The following MEF2D variants were observed in gnomAD, a reference collection of about 807,000 sequenced individuals.
The protein encoded by MEF2D is myocyte-specific enhancer factor 2D.
In MEF2D, 10 loss-of-function variants were observed where a neutral mutation model predicts 59.3. The ratio of observed to expected loss-of-function variants is 0.17; its 90% CI spans 0.10 to 0.29. MEF2D has a LOEUF of 0.29. Among genes scored for constraint, MEF2D ranks in the 10% least tolerant of loss-of-function variants. MEF2D has a pLI of 1.00. For synonymous variants in MEF2D, 305 were observed against 295.0 expected, an observed-to-expected ratio of 1.03 and a Z score of -0.35; for missense variants, 508 against 699.4, an observed-to-expected ratio of 0.73 and a Z score of 3.09.
Position 156,468,989 on chromosome 1 carries a change from G to A in MEF2D, c.1038C>T (p.Ser346=), listed in dbSNP as rs1430258982. 1.9e-6 allele frequency: 3 copies of A among 1,612,280 alleles called. No homozygotes were observed. The highest frequency in any genetic ancestry group is 2.2e-5 in the East Asian group (1 of 44,854). The change falls in exon 10 of 12, where the codon TCC becomes TCT. Residue 346 remains serine (S), a synonymous_variant. Transcript: ENST00000348159. The surrounding 1 kb of genome is among the most constrained non-coding windows in gnomAD (Gnocchi z 4.3). ...DYQLTSAELS[S]LPAFSSPGGL... ...CCCCAGGTGAACTAAAGGCTGGTAA[G>A]GAGGAGAGCTCTGCACTGGTCAACT...
At chr1:156,483,120 C>A in intron 2 of MEF2D, 119 bp downstream of exon 2, 1 of 1,062,536 alleles carries the variant, frequency 9.4e-7, no homozygotes, top group Admixed American at 1.9e-5. Context: ...CCTTCCCCTT[C>A]TGTAATAGCT....
intron 8 of MEF2D, 32 bp downstream of exon 8, chr1:156,476,462 A>C: frequency 1.2e-6 from 2 of 1,609,362 alleles, no homozygotes; most frequent in Non-Finnish European, 1.7e-6. Context: ...CAGAATTCAA[A>C]GCCACAGCAA....
Position 156,468,635 on chromosome 1 carries a change from A to T in MEF2D, c.1247+145T>A. The T allele has an allele frequency of 1.5e-6, 2 of 1,359,558 alleles. No homozygotes were observed. Among genetic ancestry groups the T allele is most frequent in the Non-Finnish European group, 2.0e-6 (2 of 1,005,448 alleles). The allele number at this position is 1,359,558 out of a possible 1,614,324, so 84.2% of individuals were successfully genotyped here. ...CTGTACAAGAGAGCCCAGGGGTGCC[A>T]CTGTTGCCTAACAGACTGTGCAGTG... On this transcript the variant is annotated intron_variant, in intron 10 of 11. Transcript: ENST00000348159. The surrounding 1 kb of genome is among the most constrained non-coding windows in gnomAD (Gnocchi z 4.3).
At position 156,496,026 on chromosome 1, in the gene MEF2D, C is replaced by A. The variant is rs549649338; in HGVS notation, c.-139+4460G>T. Reference sequence around the variant, plus strand: ...GTCAGACAGGCACAAGTGCCTCCCGCCCCCTTGGCTATCAGGGTCCTGTGC... The same window carrying A: ...GTCAGACAGGCACAAGTGCCTCCCGACCCCTTGGCTATCAGGGTCCTGTGC... On this transcript the variant is annotated intron_variant, in intron 1 of 11. Transcript: ENST00000348159. Among the ~76,000 whole-genome samples the A allele has an allele frequency of 5.3e-5, 8 of 152,350 alleles. No homozygotes were observed. The South Asian group carries it at 1.7e-3, about 32-fold the overall frequency.
chr1:156,488,433 G>A (rs1281047404), intron 1 of MEF2D, among the ~76,000 whole-genome samples: 1 of 152,194 alleles, frequency 6.6e-6, no homozygotes, highest in Non-Finnish European at 1.5e-5. Context: ...CAAATGGACA[G>A]CAGGGAGGAT....
chr1:156,484,902 A>G (rs557196185), intron 1 of MEF2D, among the ~76,000 whole-genome samples: 1 of 152,310 alleles, frequency 6.6e-6, no homozygotes, highest in East Asian at 1.9e-4. Flanking sequence ...GAGGCACGGA[A>G]TGACTTCAGG....
chr1:156,495,761 G>GGAAAAAAAAAAAA (rs1557898471), intron 1 of MEF2D, among the ~76,000 whole-genome samples: 2 of 2,702 alleles, frequency 7.4e-4, no homozygotes, highest in Non-Finnish European at 1.4e-3. Flanking sequence ...TGACCAGGGG[G>GGAAAAAAAAAAAA]CAAAAAAAAA....
At position 156,477,042 on chromosome 1, in the gene MEF2D, G is replaced by A. The variant is rs758518478; in HGVS notation, c.825C>T (p.Ser275=). 5.9e-5 allele frequency: 96 copies of A among 1,613,922 alleles called. No homozygotes were observed. The highest frequency in any genetic ancestry group is 7.7e-5 in the Non-Finnish European group (91 of 1,179,862). The part of the protein sequence containing the change: ...SRKPDLRVIT[S]QAGKGLMHHL... ...GATGCATTAACCCCTTTCCTGCCTG[G>A]GAAGTGATGACTCGCAGGTCGGGCT... Residue 275 remains serine (S), a synonymous_variant, in exon 7 of 12, where the codon TCC becomes TCT. Transcript: ENST00000348159.
intron 6 of MEF2D, among the ~76,000 whole-genome samples, chr1:156,477,666 C>A (rs202204405): frequency 6.6e-6 from 1 of 152,118 alleles, no homozygotes; most frequent in Non-Finnish European, 1.5e-5. Flanking sequence ...GCCTGGAATC[C>A]GGGCCTCACT....
intron 9 of MEF2D, among the ~76,000 whole-genome samples, chr1:156,473,943 T>G (rs544151387): frequency 6.6e-6 from 1 of 152,172 alleles, no homozygotes; most frequent in Non-Finnish European, 1.5e-5. Context: ...TGACTGTGCT[T>G]TCTCTCTGGC....
chr1:156,480,503 G>C, intron 4 of MEF2D: 1 of 852,652 alleles, frequency 1.2e-6, no homozygotes, highest in Non-Finnish European at 1.7e-6. Context: ...GGTTTATCAT[G>C]ACCAAGGTCA....
At chr1:156,476,435 GA>G in intron 8 of MEF2D, 58 bp downstream of exon 8, 5 of 1,578,356 alleles carry the variant, frequency 3.2e-6, no homozygotes, top group Non-Finnish European at 4.3e-6. Flanking sequence ...CATGCTGGGG[GA>G]CCGCAGAGCA....
intron 6 of MEF2D, 91 bp from the exon 7 acceptor site, chr1:156,477,293 G>A (rs1245938581): frequency 1.7e-5 from 20 of 1,149,618 alleles, no homozygotes; most frequent in Middle Eastern, 2.1e-4. Flanking sequence ...CCTGTTACCC[G>A]GAACCTCTCA....
chr1:156,483,171 G>A (rs1672133269), intron 2 of MEF2D, 68 bp downstream of exon 2: 7 of 1,512,418 alleles, frequency 4.6e-6, no homozygotes, highest in Non-Finnish European at 5.5e-6. Context: ...TGGAATGCCT[G>A]AAGGGAGTAG....
At chr1:156,493,103 C>T (rs1270913572) in intron 1 of MEF2D, among the ~76,000 whole-genome samples, 1 of 152,198 alleles carries the variant, frequency 6.6e-6, no homozygotes, top group Non-Finnish European at 1.5e-5. Context: ...ACCCACAGCA[C>T]TGAGACAGGG....
chr1:156,475,750 G>A (rs1222330326), intron 8 of MEF2D, among the ~76,000 whole-genome samples: 6 of 152,236 alleles, frequency 3.9e-5, no homozygotes, highest in Admixed American at 1.3e-4. Context: ...TGCTGGGGCC[G>A]AAACTGCCGC....
chr1:156,466,014 C>T lies in MEF2D; in HGVS notation c.*1631G>A, dbSNP rs1670815774. ...TGGCCACGTCACCCCAGGCCAGGCC[C>T]CTTAGGGCGGGGGGTGATCCTAGAG... On this transcript the variant is annotated 3_prime_UTR_variant, in exon 12 of 12. Coordinates refer to ENST00000348159, the MANE Select transcript of MEF2D (RefSeq NM_005920.4). 2 of 152,242 alleles carry T rather than the reference C, an allele frequency of 1.3e-5. No individual in the cohort carries two copies. Among genetic ancestry groups the T allele is most frequent in the African/African-American group, 4.8e-5 (2 of 41,442 alleles). 9.4% of individuals were successfully genotyped at this position (152,242 alleles called of 1,614,324 possible). A position where few individuals can be genotyped will look rare whatever the true frequency, so the allele number is the denominator to read the frequency against.
At position 156,479,297 on chromosome 1, in the gene MEF2D, G is replaced by A. The variant is rs1671824343; in HGVS notation, c.657C>T (p.Ser219=). ...AAGGATGACTGCACTCACCAACAGG[G>A]CTGGGGCAGGCTCCGTTAGCACTGT... ...DLNSANGACP[S]PVGNGYVSAR... is the part of the protein sequence containing the mutation. Residue 219 remains serine, a synonymous_variant, in exon 6 of 12, where the codon AGC becomes AGT. Transcript: ENST00000348159. 2 of 1,612,320 alleles carry A rather than the reference G, an allele frequency of 1.2e-6. No homozygotes were observed. The highest frequency in any genetic ancestry group is 1.7e-6 in the Non-Finnish European group (2 of 1,179,284).
chr1:156,492,709 T>C (rs930748788), intron 1 of MEF2D, among the ~76,000 whole-genome samples: 2 of 151,790 alleles, frequency 1.3e-5, no homozygotes, highest in South Asian at 2.1e-4. Context: ...TGAGGAGAGG[T>C]GGGGGCGGTT....
Sources: allele counts gnomAD v4.1 joint callset (sites outside exome capture counted in the v4.1 genomes callset), GRCh38; gene constraint gnomAD v4.1.1; non-coding constraint Gnocchi (gnomAD v3.1); transcripts MANE v1.5; gene names NCBI Gene and HGNC (gene_info 2026-07-23, HGNC 2026-07-21).